Variants in NCKAP5 observed in about 807,000 individuals in gnomAD.
The protein encoded by NCKAP5 is nck-associated protein 5.
In NCKAP5, 92 loss-of-function variants were observed where a neutral mutation model predicts 167.0. The ratio of observed to expected loss-of-function variants is 0.55; its 90% CI spans 0.47 to 0.66. NCKAP5 has a LOEUF of 0.66. NCKAP5 is among the 30% of genes least tolerant of loss of function. NCKAP5 has a pLI of 0.00. For missense variants in NCKAP5, 2,378 were observed against 2,315.0 expected, an observed-to-expected ratio of 1.03 and a Z score of -0.56; for synonymous variants, 891 against 877.4, an observed-to-expected ratio of 1.02 and a Z score of -0.27.
At chr2:132,770,329 A>T (rs1475247512) in intron 16 of NCKAP5, among the ~76,000 whole-genome samples, 1 of 149,440 alleles carries the variant, frequency 6.7e-6, no homozygotes, top group East Asian at 1.9e-4. Context: ...CTATAAGATG[A>T]TTTTATTAAT....
chr2:132,993,002 C>A (rs1344793118), intron 7 of NCKAP5, among the ~76,000 whole-genome samples: 1 of 152,122 alleles, frequency 6.6e-6, no homozygotes, highest in Non-Finnish European at 1.5e-5. Flanking sequence ...TACTTTGATA[C>A]TTTTACTTGT....
intron 6 of NCKAP5, among the ~76,000 whole-genome samples, chr2:133,088,658 T>C (rs2081073962): frequency 6.6e-6 from 1 of 152,148 alleles, no homozygotes; most frequent in Non-Finnish European, 1.5e-5. Context: ...TTTACTATCC[T>C]GAAATGAAAT....
In NCKAP5 at chr2:133,139,830, C is replaced by T. The variant is rs187618945; in HGVS notation, c.208-9719G>A. Among the ~76,000 whole-genome samples, 4 of 152,244 alleles carry T rather than the reference C, an allele frequency of 2.6e-5. No individual in the cohort carries two copies. The East Asian group carries it at 7.7e-4, about 29-fold the overall frequency. On this transcript the variant is annotated intron_variant, in intron 5 of 19. Transcript: ENST00000409261. Reference sequence around the variant, plus strand: ...TAAGCTTCTCAGAAAACTAATTCTTCTCAAGTCTTTGAATATCTGATGTTT... The same window carrying T: ...TAAGCTTCTCAGAAAACTAATTCTTTTCAAGTCTTTGAATATCTGATGTTT...
chr2:133,634,520 T>C, the NCKAP5 span, among the ~76,000 whole-genome samples: 2 of 152,236 alleles, frequency 1.3e-5, no homozygotes, highest in South Asian at 4.1e-4. Flanking sequence ...GAAATAATTA[T>C]CTTGTTGCTA....
At chr2:133,331,303 C>T (rs1682839141) in intron 3 of NCKAP5, among the ~76,000 whole-genome samples, 1 of 152,146 alleles carries the variant, frequency 6.6e-6, no homozygotes, top group South Asian at 2.1e-4. Flanking sequence ...TTGATGGAGT[C>T]TTCTAAAGTT....
chr2:133,587,056 G>A, the NCKAP5 span, among the ~76,000 whole-genome samples: 3 of 152,158 alleles, frequency 2.0e-5, no homozygotes, highest in Admixed American at 1.3e-4. Flanking sequence ...GGACTCACGC[G>A]AGGGGTGTGC....
rs1683099555 is a variant in NCKAP5, at chr2:132,782,261, A to G, written c.4550T>C (p.Leu1517Pro). The change falls in exon 14 of 20, where the codon CTT (leucine) becomes CCT (proline). Residue 1517 changes from leucine (L) to proline (P), a missense_variant. Around this residue, in one of 3 missense-constraint regions of NCKAP5, gnomAD observed 1,325 missense variants for 1,274.5 expected, o/e 1.04. Transcript: ENST00000409261. ...CATTTTCCTGCTACTCAGAGCTGGAAGTCTACTCTTCCGAAAACCAAACCA... is the reference window on the plus strand; with the variant it reads ...CATTTTCCTGCTACTCAGAGCTGGAGGTCTACTCTTCCGAAAACCAAACCA... Reference protein sequence around the residue: ...ASWFGFRKSRLPALSSRKMDI... With the variant: ...ASWFGFRKSRPPALSSRKMDI... 1 of 1,614,010 alleles carries G rather than the reference A, an allele frequency of 6.2e-7. No individual in the cohort carries two copies. The highest frequency in any genetic ancestry group is 8.5e-7 in the Non-Finnish European group (1 of 1,179,902).
chr2:132,768,014 G>T (rs1681670144), intron 16 of NCKAP5, among the ~76,000 whole-genome samples: 1 of 152,234 alleles, frequency 6.6e-6, no homozygotes. Context: ...TCTGGCTCCT[G>T]CAGAAGAGAC....
the NCKAP5 span, among the ~76,000 whole-genome samples, chr2:133,616,596 A>C: frequency 6.6e-6 from 1 of 152,146 alleles, no homozygotes; most frequent in Non-Finnish European, 1.5e-5. Context: ...CCCAAGACTA[A>C]ACCAGGAAGA....
intron 6 of NCKAP5, among the ~76,000 whole-genome samples, chr2:133,001,132 T>C (rs2077762749): frequency 6.6e-6 from 1 of 152,102 alleles, no homozygotes; most frequent in South Asian, 2.1e-4. Flanking sequence ...ATGTAAATTT[T>C]ATCAAAAAAA....
chr2:132,838,745 C>T (rs2105408319), intron 11 of NCKAP5, among the ~76,000 whole-genome samples: 1 of 152,260 alleles, frequency 6.6e-6, no homozygotes, highest in East Asian at 1.9e-4. Flanking sequence ...GGCACAAAGT[C>T]CCGGAAGTGG....
chr2:133,650,400 T>C, the NCKAP5 span, among the ~76,000 whole-genome samples: 2 of 152,198 alleles, frequency 1.3e-5, no homozygotes. Flanking sequence ...AGACCATGAA[T>C]AGCCAAGTCA....
At chr2:133,302,942 G>T in intron 4 of NCKAP5, 95 bp downstream of exon 4, 1 of 864,818 alleles carries the variant, frequency 1.2e-6, no homozygotes, top group Non-Finnish European at 1.9e-6. Flanking sequence ...CAAGGACTTA[G>T]TATATATTCT....
At chr2:133,103,558 C>T (rs1042366447) in intron 6 of NCKAP5, among the ~76,000 whole-genome samples, 1 of 152,114 alleles carries the variant, frequency 6.6e-6, no homozygotes, top group Admixed American at 6.5e-5. Context: ...CTTTGGGAGG[C>T]CACAGTGAGA....
the NCKAP5 span, among the ~76,000 whole-genome samples, chr2:133,647,599 G>C: frequency 6.9e-6 from 1 of 143,898 alleles, no homozygotes; most frequent in Admixed American, 7.1e-5. Context: ...GAGAGGGAGA[G>C]AGAGAGAGAG....
rs556066403 is a variant in NCKAP5, at chr2:132,812,495, C to T, written c.808-15766G>A. On this transcript the variant is annotated intron_variant, in intron 11 of 19. Coordinates refer to ENST00000409261, the MANE Select transcript of NCKAP5 (RefSeq NM_207363.3). ...TTCTCTGCCACTATATTGTCTTATC[C>T]GTGCTTGAATGTTGGGGTACAATGA... Among the ~76,000 whole-genome samples, 7 of 152,276 alleles carry T rather than the reference C, an allele frequency of 4.6e-5. No individual in the cohort carries two copies. In the East Asian group the frequency reaches 5.8e-4, roughly 13 times the overall value.
intron 19 of NCKAP5, among the ~76,000 whole-genome samples, chr2:132,711,057 C>T (rs1688792523): frequency 6.6e-6 from 1 of 152,206 alleles, no homozygotes; most frequent in Non-Finnish European, 1.5e-5. Flanking sequence ...GTGCCGGGCA[C>T]TGTTCTAGGC....
chr2:133,374,564 G>A (rs527990998), intron 3 of NCKAP5, among the ~76,000 whole-genome samples: 3 of 151,464 alleles, frequency 2.0e-5, no homozygotes, highest in Admixed American at 6.6e-5. Context: ...GGTGAAGTGC[G>A]TGTGTAGGGC....
chr2:132,785,463 G>C lies in NCKAP5; in HGVS notation c.1348C>G (p.Pro450Ala), dbSNP rs1303467918. 6.2e-7 allele frequency: 1 copy of C among 1,613,616 alleles called. No individual in the cohort carries two copies. Among genetic ancestry groups the C allele is most frequent in the Non-Finnish European group, 8.5e-7 (1 of 1,179,728 alleles). Reference sequence around the variant, plus strand: ...CCCAGGTCAGCTGTTTTGCAGGGGGGATACTCCTTGAGGCTGCTACTTTTA... The same window carrying C: ...CCCAGGTCAGCTGTTTTGCAGGGGGCATACTCCTTGAGGCTGCTACTTTTA... ...GIKSSSLKEY[P>A]PCKTADLGSP... The change falls in exon 14 of 20, where the codon CCC becomes GCC. Residue 450 changes from proline to alanine, a missense_variant. Transcript: ENST00000409261.
Sources: gnomAD v4.1 joint callset for allele counts (sites outside exome capture counted in the v4.1 genomes callset) on GRCh38, gnomAD v4.1.1 for gene constraint, gnomAD v4.1.1 regional missense constraint, MANE v1.5 for transcripts, NCBI Gene and HGNC (gene_info 2026-07-23, HGNC 2026-07-21) for gene names.